PTBP3: variants seen among roughly 807,000 people sequenced by gnomAD.
PTBP3 encodes polypyrimidine tract-binding protein 3.
Under a neutral mutation model 58.7 loss-of-function variants are expected in PTBP3, and 20 were observed. The observed-to-expected ratio is 0.34, with a 90% CI of 0.24 to 0.50. The LOEUF is 0.50. Ranked by LOEUF, PTBP3 falls within the 20% of genes least tolerant of loss-of-function variation. The pLI is 0.98. For synonymous variants in PTBP3, 185 were observed against 219.8 expected, an observed-to-expected ratio of 0.84 and a Z score of 1.40; for missense variants, 509 against 637.2, an observed-to-expected ratio of 0.80 and a Z score of 2.17.
chr9:112,307,250 CG>C (rs1829260335), intron 1 of PTBP3, among the ~76,000 whole-genome samples: 1 of 152,036 alleles, frequency 6.6e-6, no homozygotes, highest in Non-Finnish European at 1.5e-5. Flanking sequence ...CTCAGGAGTT[CG>C]AGACCAGCCT....
chr9:112,354,491 C>T, the PTBP3 span, among the ~76,000 whole-genome samples: 1 of 152,226 alleles, frequency 6.6e-6, no homozygotes. Context: ...GAAAAGCAAA[C>T]CTCCTCTCCA....
At position 112,325,174 on chromosome 9, in the gene PTBP3, G is replaced by A. The variant is rs1312930072; in HGVS notation, c.-52+8296C>T. Among the ~76,000 whole-genome samples the A allele has an allele frequency of 2.6e-5, 4 of 152,098 alleles. No homozygotes were observed. In the Admixed American group the frequency reaches 2.6e-4, roughly 10 times the overall value. On this transcript the variant is annotated intron_variant, in intron 1 of 13. Transcript: ENST00000374257. ...AGACGGCAAAATGCCTAGGCAAAGAGGGAAGGGTCCCCGGAGAACCTTCGA... is the reference window on the plus strand; with the variant it reads ...AGACGGCAAAATGCCTAGGCAAAGAAGGAAGGGTCCCCGGAGAACCTTCGA...
chr9:112,356,564 T>G, the PTBP3 span, among the ~76,000 whole-genome samples: 1 of 122,270 alleles, frequency 8.2e-6, no homozygotes, highest in South Asian at 3.0e-4. Context: ...GCTGGTGTGG[T>G]ACATAAAGCA....
chr9:112,225,900 T>C (rs1176735564), intron 12 of PTBP3, among the ~76,000 whole-genome samples: 1 of 151,948 alleles, frequency 6.6e-6, no homozygotes, highest in Non-Finnish European at 1.5e-5. Context: ...TACAAAAAAT[T>C]AGCTGGGCAT....
At chr9:112,361,889 C>T in the PTBP3 span, among the ~76,000 whole-genome samples, 1 of 152,218 alleles carries the variant, frequency 6.6e-6, no homozygotes, top group Admixed American at 6.5e-5. Flanking sequence ...TTCTCCACAT[C>T]CCATCCGACA....
intron 1 of PTBP3, among the ~76,000 whole-genome samples, chr9:112,313,685 G>A (rs770279238): frequency 3.3e-5 from 5 of 152,164 alleles, no homozygotes; most frequent in Non-Finnish European, 7.3e-5. Context: ...CTTACAACAT[G>A]GCAGCTCACT....
At chr9:112,256,573 C>T (rs1229740136) in intron 5 of PTBP3, among the ~76,000 whole-genome samples, 2 of 151,906 alleles carry the variant, frequency 1.3e-5, no homozygotes, top group Admixed American at 1.3e-4. Context: ...CCCTGTCACC[C>T]GTAATGGTGT....
At chr9:112,319,545 GA>G (rs1445359917) in intron 1 of PTBP3, among the ~76,000 whole-genome samples, 7 of 151,920 alleles carry the variant, frequency 4.6e-5, no homozygotes, top group African/African-American at 1.7e-4. Flanking sequence ...ATCAAAAAAG[GA>G]AAAAAAGAAA....
At chr9:112,345,747 A>T in the PTBP3 span, among the ~76,000 whole-genome samples, 13 of 152,238 alleles carry the variant, frequency 8.5e-5, no homozygotes, top group Non-Finnish European at 2.9e-5. Context: ...AGACAGTCTT[A>T]AAGAATAATA....
At chr9:112,325,831 A>C (rs1830133963) in intron 1 of PTBP3, among the ~76,000 whole-genome samples, 1 of 152,152 alleles carries the variant, frequency 6.6e-6, no homozygotes, top group Non-Finnish European at 1.5e-5. Context: ...CAGCCTGGCC[A>C]ACATGGCGAA....
the PTBP3 span, among the ~76,000 whole-genome samples, chr9:112,352,423 C>T: frequency 6.6e-6 from 1 of 152,156 alleles, no homozygotes; most frequent in Non-Finnish European, 1.5e-5. Context: ...GCAGGTCTGC[C>T]TTGCAGGTCA....
chr9:112,269,529 T>C (rs1416991237), intron 3 of PTBP3, among the ~76,000 whole-genome samples: 2 of 152,170 alleles, frequency 1.3e-5, no homozygotes, highest in Non-Finnish European at 2.9e-5. Context: ...TAGCATGATA[T>C]GGTAGAAAGG....
chr9:112,362,263 T>C, the PTBP3 span, among the ~76,000 whole-genome samples: 1 of 152,146 alleles, frequency 6.6e-6, no homozygotes, highest in Non-Finnish European at 1.5e-5. Flanking sequence ...CAGTGAGCCA[T>C]GGTTGCACCT....
chr9:112,313,449 G>A (rs1268414150), intron 1 of PTBP3, among the ~76,000 whole-genome samples: 1 of 152,106 alleles, frequency 6.6e-6, no homozygotes, highest in Non-Finnish European at 1.5e-5. Flanking sequence ...TCCATGCCTG[G>A]ATAACTAATT....
chr9:112,294,921 G>GCTGTATATAACAATATTTGAAGTAA (rs1264080173), intron 2 of PTBP3, among the ~76,000 whole-genome samples: 1 of 152,124 alleles, frequency 6.6e-6, no homozygotes, highest in African/African-American at 2.4e-5. Flanking sequence ...ATTAAGTTTA[G>GCTGTATATAACAATATTTGAAGTAA]CTGTATATAA....
chr9:112,268,937 T>C (rs1589845388), intron 3 of PTBP3, among the ~76,000 whole-genome samples: 1 of 152,098 alleles, frequency 6.6e-6, no homozygotes, highest in Admixed American at 6.5e-5. Flanking sequence ...GGCTCAGGCC[T>C]GTAATCCCAA....
At chr9:112,277,239 A>T (rs958340151) in intron 2 of PTBP3, among the ~76,000 whole-genome samples, 2 of 152,182 alleles carry the variant, frequency 1.3e-5, no homozygotes, top group African/African-American at 4.8e-5. Flanking sequence ...TAAATGACTA[A>T]CAATACCTAG....
chr9:112,294,504 C>A (rs757996333), intron 2 of PTBP3, among the ~76,000 whole-genome samples: 2 of 152,072 alleles, frequency 1.3e-5, no homozygotes, highest in East Asian at 3.9e-4. Flanking sequence ...GAAAACAGAC[C>A]AAGACCCTGT....
At chr9:112,275,159 G>C (rs553377900) in intron 3 of PTBP3, among the ~76,000 whole-genome samples, 1 of 146,962 alleles carries the variant, frequency 6.8e-6, no homozygotes, top group Admixed American at 6.8e-5. Flanking sequence ...TTGGTGAGAT[G>C]AGATTTACTC....
Sources: gnomAD v4.1 joint callset for allele counts (sites outside exome capture counted in the v4.1 genomes callset) on GRCh38, gnomAD v4.1.1 for gene constraint, MANE v1.5 for transcripts, NCBI Gene and HGNC (gene_info 2026-07-23, HGNC 2026-07-21) for gene names.